STAC: variants seen among roughly 807,000 people sequenced by gnomAD.
STAC encodes SH3 and cysteine-rich domain-containing protein.
STAC carries 43 observed loss-of-function variants against 48.8 expected under a neutral mutation model. The observed-to-expected ratio is 0.88, with a 90% CI of 0.69 to 1.14. The LOEUF is 1.14. Among genes scored for constraint, STAC ranks in the 50% most tolerant of loss-of-function variants. The pLI is 0.00. For missense variants in STAC, 497 were observed against 504.0 expected (o/e 0.99, Z 0.13); for synonymous variants, 193 against 179.5 (o/e 1.07, Z -0.60).
Position 36,482,987 on chromosome 3 carries a change from G to A in STAC, c.389-5G>A, listed in dbSNP as rs746055921. 1.9e-6 allele frequency: 3 copies of A among 1,612,900 alleles called. No homozygotes were observed. The Admixed American group carries it at 5.0e-5, about 27-fold the overall frequency. ...CCTAACCAAAGTTTGCCATGTACCT[G>A]ACAGGAACAAATGCTAAGCATGGAC... On this transcript the variant is annotated splice_polypyrimidine_tract_variant and splice_region_variant and intron_variant, in intron 2 of 10. Transcript: ENST00000273183.
intron 2 of STAC, among the ~76,000 whole-genome samples, chr3:36,478,336 C>A (rs1382133728): frequency 1.3e-5 from 2 of 152,122 alleles, no homozygotes; most frequent in South Asian, 2.1e-4. Flanking sequence ...TTGTACATTT[C>A]TTACAATCTT....
At chr3:36,472,955 A>G (rs190830905) in intron 2 of STAC, among the ~76,000 whole-genome samples, 5 of 152,258 alleles carry the variant, frequency 3.3e-5, no homozygotes, top group African/African-American at 1.2e-4. Flanking sequence ...ACTGGTACCA[A>G]TTTACTGTAT....
At chr3:36,437,743 A>G (rs1193955614) in intron 1 of STAC, among the ~76,000 whole-genome samples, 1 of 151,376 alleles carries the variant, frequency 6.6e-6, no homozygotes, top group Non-Finnish European at 1.5e-5. Flanking sequence ...TAACCTGCAC[A>G]TTGTGCACAT....
At chr3:36,442,756 AC>A (rs1696385321) in intron 1 of STAC, among the ~76,000 whole-genome samples, 2 of 26,068 alleles carry the variant, frequency 7.7e-5, no homozygotes. Context: ...ACACACACAC[AC>A]ACACACACAC....
intron 5 of STAC, among the ~76,000 whole-genome samples, chr3:36,488,265 G>C (rs1025418840): frequency 1.3e-5 from 2 of 152,134 alleles, no homozygotes; most frequent in African/African-American, 4.8e-5. Context: ...AGCCTTAACA[G>C]TGTTTTCTTT....
intron 1 of STAC, among the ~76,000 whole-genome samples, chr3:36,403,840 C>T (rs891299073): frequency 3.3e-5 from 5 of 152,022 alleles, no homozygotes; most frequent in Admixed American, 3.3e-4. Context: ...AATCTGGAAT[C>T]CAATACTGAG....
intron 2 of STAC, among the ~76,000 whole-genome samples, chr3:36,473,091 C>G (rs533601767): frequency 2.0e-5 from 3 of 152,188 alleles, no homozygotes; most frequent in Non-Finnish European, 4.4e-5. Flanking sequence ...AAAGGCACTT[C>G]TTACATGGCA....
intron 1 of STAC, among the ~76,000 whole-genome samples, chr3:36,439,275 G>C (rs777305486): frequency 6.6e-6 from 1 of 152,144 alleles, no homozygotes; most frequent in African/African-American, 2.4e-5. Flanking sequence ...AAGATAGGTC[G>C]CCTGGTGAAG....
intron 8 of STAC, among the ~76,000 whole-genome samples, chr3:36,517,861 T>TCA (rs890232141): frequency 1.0e-3 from 157 of 151,084 alleles, no homozygotes; most frequent in African/African-American, 3.4e-3. Flanking sequence ...ACACTCACAG[T>TCA]CACACACACA....
chr3:36,495,966 G>A (rs1698143677), intron 6 of STAC, among the ~76,000 whole-genome samples: 1 of 152,150 alleles, frequency 6.6e-6, no homozygotes, highest in South Asian at 2.1e-4. Flanking sequence ...AGTAGGACTA[G>A]AGGTCACTTA....
intron 1 of STAC, among the ~76,000 whole-genome samples, chr3:36,435,703 A>G (rs1700817495): frequency 6.6e-6 from 1 of 152,146 alleles, no homozygotes; most frequent in African/African-American, 2.4e-5. Flanking sequence ...ACTTCACTGA[A>G]TCTACTATTA....
chr3:36,473,254 G>A lies in STAC; in HGVS notation c.389-9738G>A, dbSNP rs112996777. On this transcript the variant is annotated intron_variant, in intron 2 of 10. Transcript: ENST00000273183. ...CCTGGGTCCTTCCCACAACACATGG[G>A]AATTCTGGGAGATACAATTCAAGTT... 1.6e-3 allele frequency among the ~76,000 whole-genome samples: 244 copies of A among 151,476 alleles called. 1 individual carries two copies. Among genetic ancestry groups the A allele is most frequent in the African/African-American group, 4.3e-3 (175 of 40,776 alleles).
chr3:36,538,189 T>C (rs1699242792), intron 10 of STAC, among the ~76,000 whole-genome samples: 1 of 152,152 alleles, frequency 6.6e-6, no homozygotes, highest in Admixed American at 6.5e-5. Flanking sequence ...TCATTAAATG[T>C]TTATCAAAAC....
At chr3:36,405,864 C>A (rs61527575) in intron 1 of STAC, among the ~76,000 whole-genome samples, 3,538 of 152,228 alleles carry the variant, frequency 0.023, 61 homozygotes, top group East Asian at 0.026. Flanking sequence ...GGACTACAGG[C>A]GCATGCCACC....
At chr3:36,493,943 G>A (rs1402379036) in intron 6 of STAC, among the ~76,000 whole-genome samples, 6 of 151,576 alleles carry the variant, frequency 4.0e-5, no homozygotes, top group African/African-American at 7.3e-5. Flanking sequence ...GAGGTCAGGA[G>A]ATCGAGACCA....
intron 10 of STAC, among the ~76,000 whole-genome samples, chr3:36,535,593 T>C (rs1699178634): frequency 6.6e-6 from 1 of 152,226 alleles, no homozygotes; most frequent in East Asian, 1.9e-4. Flanking sequence ...CGGTATAATA[T>C]TGGCTGTGGG....
chr3:36,540,206 C>G (rs1160345277), intron 10 of STAC, among the ~76,000 whole-genome samples: 1 of 152,180 alleles, frequency 6.6e-6, no homozygotes, highest in African/African-American at 2.4e-5. Flanking sequence ...GAAACAGACT[C>G]TCTCTTAGAG....
At chr3:36,398,258 T>C (rs1699893393) in intron 1 of STAC, among the ~76,000 whole-genome samples, 1 of 147,036 alleles carries the variant, frequency 6.8e-6, no homozygotes. Flanking sequence ...AGCTTTGTAG[T>C]AAGACTATTT....
chr3:36,505,586 T>C (rs557813167), intron 7 of STAC, among the ~76,000 whole-genome samples, 160 bp from the exon 8 acceptor site: 3 of 152,294 alleles, frequency 2.0e-5, no homozygotes, highest in African/African-American at 4.8e-5. Flanking sequence ...TAAAAATAAA[T>C]GCAAAGTTGA....
Sources: gnomAD v4.1 joint callset for allele counts (sites outside exome capture counted in the v4.1 genomes callset) on GRCh38, gnomAD v4.1.1 for gene constraint, MANE v1.5 for transcripts, NCBI Gene and HGNC (gene_info 2026-07-23, HGNC 2026-07-21) for gene names.